Variants in PRKAR1B observed in about 807,000 individuals in gnomAD.
The protein encoded by PRKAR1B is cAMP-dependent protein kinase type I-beta regulatory subunit.
A neutral mutation model predicts 46.5 loss-of-function variants in PRKAR1B; 22 were observed. The ratio of observed to expected loss-of-function variants is 0.47; its 90% CI spans 0.34 to 0.68. The LOEUF (loss-of-function observed/expected upper bound fraction) is 0.68, where lower values mean the gene tolerates loss of function less well. PRKAR1B is among the 30% of genes least tolerant of loss of function. The pLI is 0.01. For missense variants in PRKAR1B, 445 were observed against 535.6 expected (o/e 0.83, Z 1.67); for synonymous variants, 259 against 217.7 (o/e 1.19, Z -1.67).
chr7:578,682 C>CT lies in PRKAR1B; in HGVS notation c.891+573dup, dbSNP rs67281859. On this transcript the variant is annotated intron_variant, in intron 9 of 10. Transcript: ENST00000537384. ...GGTTTTGTGCAGGTTTTTTATTTTA[C>CT]TTTTTTTTTTTTTTTTTGAGACGGA... 268 of 142,054 alleles carry CT rather than the reference C, an allele frequency of 1.9e-3. 2 individuals are homozygous for CT. The highest frequency in any genetic ancestry group is 0.015 in the South Asian group (72 of 4,862). The allele number at this position is 142,054 out of a possible 1,614,324, so 8.8% of individuals were successfully genotyped here. A position where few individuals can be genotyped will look rare whatever the true frequency, so the allele number is the denominator to read the frequency against.
intron 4 of PRKAR1B, among the ~76,000 whole-genome samples, chr7:651,650 TG>T (rs1784909338): frequency 6.6e-6 from 1 of 151,706 alleles, no homozygotes; most frequent in East Asian, 1.9e-4. Flanking sequence ...GCTAGGAACC[TG>T]GGGAAACCCC....
At chr7:724,537 A>C (rs1324956854) in intron 1 of PRKAR1B, among the ~76,000 whole-genome samples, 1 of 152,244 alleles carries the variant, frequency 6.6e-6, no homozygotes, top group Non-Finnish European at 1.5e-5. Context: ...CTGTGAGTCC[A>C]GTAAACCTTT....
intron 4 of PRKAR1B, among the ~76,000 whole-genome samples, chr7:617,220 C>G (rs1782873447): frequency 6.6e-6 from 1 of 151,826 alleles, no homozygotes; most frequent in Admixed American, 6.6e-5. Context: ...GTCTCGAACT[C>G]CTGACCTCAT....
At chr7:580,498 G>A (rs975940879) in intron 8 of PRKAR1B, among the ~76,000 whole-genome samples, 3 of 152,126 alleles carry the variant, frequency 2.0e-5, no homozygotes, top group African/African-American at 7.2e-5. Context: ...CAAACAACAT[G>A]GAACTGCATT....
At chr7:659,587 C>T (rs1427380006) in intron 4 of PRKAR1B, among the ~76,000 whole-genome samples, 1 of 152,130 alleles carries the variant, frequency 6.6e-6, no homozygotes, top group Non-Finnish European at 1.5e-5. Flanking sequence ...GGCAAGAAGA[C>T]GACGGCTGCA....
intron 2 of PRKAR1B, among the ~76,000 whole-genome samples, chr7:693,427 C>T (rs1265301677): frequency 1.3e-5 from 2 of 152,088 alleles, no homozygotes; most frequent in Non-Finnish European, 2.9e-5. Flanking sequence ...GCCCCAGCCC[C>T]CGACAGCCCC....
chr7:630,434 G>T (rs956522442), intron 4 of PRKAR1B, among the ~76,000 whole-genome samples: 2 of 152,220 alleles, frequency 1.3e-5, no homozygotes, highest in Non-Finnish European at 2.9e-5. Context: ...CTGGCTGGGG[G>T]TGCAAGGTCA....
chr7:634,751 T>C (rs2128481128), intron 4 of PRKAR1B, among the ~76,000 whole-genome samples: 1 of 151,990 alleles, frequency 6.6e-6, no homozygotes, highest in South Asian at 2.1e-4. Flanking sequence ...GTGATTCCCC[T>C]GCCTCAGCCT....
intron 2 of PRKAR1B, among the ~76,000 whole-genome samples, chr7:698,328 C>T (rs993690390): frequency 6.6e-6 from 1 of 152,086 alleles, no homozygotes; most frequent in African/African-American, 2.4e-5. Context: ...AGGCTAGGGG[C>T]AGAGTGTACA....
rs144316738 is a variant in PRKAR1B at position 556,895 on chromosome 7, C to G, written c.892-5425G>C. On this transcript the variant is annotated intron_variant, in intron 9 of 10. Transcript: ENST00000537384. The stretch of plus-strand genomic sequence containing the variant: ...TCTGCGTCATAAAAGACACAGGTGC[C>G]TCCCCCGGCTCCCAGGGTACTGAAG... 3.6e-4 allele frequency among the ~76,000 whole-genome samples: 55 copies of G among 152,348 alleles called. 1 individual carries two copies. The East Asian group carries it at 9.9e-3, about 27-fold the overall frequency.
chr7:657,919 C>T (rs187253175), intron 4 of PRKAR1B, among the ~76,000 whole-genome samples: 3 of 152,260 alleles, frequency 2.0e-5, no homozygotes, highest in Admixed American at 2.0e-4. Flanking sequence ...TCCCACTGAG[C>T]CCAGCTTTGC....
chr7:632,113 C>T lies in PRKAR1B; in HGVS notation c.441-24661G>A, dbSNP rs750215272. ...CCAGCGTCTCCGTGTGACCCTCCTG[C>T]GCACACGCAACAGAGCCTGGGGGGA... On this transcript the variant is annotated intron_variant, in intron 4 of 10. Coordinates refer to ENST00000537384, the MANE Select transcript of PRKAR1B (RefSeq NM_001164760.2). 1.6e-4 allele frequency among the ~76,000 whole-genome samples: 25 copies of T among 152,322 alleles called. No individual in the cohort carries two copies. The South Asian group carries it at 1.9e-3, about 11-fold the overall frequency.
chr7:595,802 C>A (rs559387535), intron 7 of PRKAR1B, among the ~76,000 whole-genome samples: 13 of 152,234 alleles, frequency 8.5e-5, no homozygotes, highest in Non-Finnish European at 1.8e-4. Flanking sequence ...CAGGGAACCA[C>A]GCTCCTCACA....
intron 2 of PRKAR1B, among the ~76,000 whole-genome samples, chr7:706,763 A>G (rs1413340651): frequency 1.3e-5 from 2 of 152,120 alleles, no homozygotes; most frequent in African/African-American, 4.8e-5. Flanking sequence ...TCTCCACCAC[A>G]GAAGAACTCA....
chr7:559,707 G>C (rs1043431625), intron 9 of PRKAR1B, among the ~76,000 whole-genome samples: 3 of 152,192 alleles, frequency 2.0e-5, no homozygotes, highest in African/African-American at 7.2e-5. Flanking sequence ...AGTCAGGGAG[G>C]CCAGGAAAAG....
intron 9 of PRKAR1B, among the ~76,000 whole-genome samples, chr7:572,321 G>A (rs1030104282): frequency 1.3e-5 from 2 of 152,208 alleles, no homozygotes; most frequent in Non-Finnish European, 2.9e-5. Flanking sequence ...GTGTCTGAGG[G>A]GCTGGCAGCT....
At chr7:670,147 C>T (rs1018561023) in intron 4 of PRKAR1B, among the ~76,000 whole-genome samples, 12 of 151,958 alleles carry the variant, frequency 7.9e-5, no homozygotes, top group African/African-American at 1.4e-4. Flanking sequence ...GAATTATGGA[C>T]GTGAGCCACC....
intron 2 of PRKAR1B, among the ~76,000 whole-genome samples, chr7:686,682 GA>G (rs1447552589): frequency 6.6e-6 from 1 of 152,078 alleles, no homozygotes; most frequent in African/African-American, 2.4e-5. Flanking sequence ...AAACCTTGAT[GA>G]AAGGTTAAAA....
intron 9 of PRKAR1B, chr7:565,113 G>A (rs935842872): frequency 6.6e-6 from 1 of 152,332 alleles, no homozygotes; most frequent in Admixed American, 6.5e-5. Context: ...TTTCGCAGGA[G>A]ACTGGAATAA....
Sources: allele counts gnomAD v4.1 joint callset (sites outside exome capture counted in the v4.1 genomes callset), GRCh38; gene constraint gnomAD v4.1.1; transcripts MANE v1.5; gene names NCBI Gene and HGNC (gene_info 2026-07-23, HGNC 2026-07-21).